The following WDR64 variants were observed in gnomAD, a reference collection of about 807,000 sequenced individuals.
The protein encoded by WDR64 is WD repeat domain 64, also known as WD repeat-containing protein 64.
A neutral mutation model predicts 139.3 loss-of-function variants in WDR64; 112 were observed. The observed-to-expected ratio is 0.80, with a 90% CI of 0.69 to 0.94. WDR64 has a LOEUF of 0.94. Ranked by LOEUF, WDR64 falls within the 40% of genes least tolerant of loss-of-function variation. The pLI, the probability that WDR64 is intolerant of heterozygous loss-of-function variation, is 0.00. For missense variants in WDR64, 1,206 were observed against 1,293.1 expected (o/e 0.93, Z 1.03); for synonymous variants, 444 against 437.7 (o/e 1.01, Z -0.18).
In WDR64 at chr1:241,696,113, C is replaced by CAAAAAAAAAAAAAAAAAAAAA. The variant is rs541301982; in HGVS notation, c.974+8526_974+8546dup. Among the ~76,000 whole-genome samples the CAAAAAAAAAAAAAAAAAAAAA allele has an allele frequency of 4.0e-4, 9 of 22,326 alleles. 2 individuals carry two copies. The highest frequency in any genetic ancestry group is 2.0e-3 in the East Asian group (1 of 504). The allele number at this position is 22,326 out of a possible 152,430, so 14.6% of individuals were successfully genotyped here. A position where few individuals can be genotyped will look rare whatever the true frequency, so the allele number is the denominator to read the frequency against. On this transcript the variant is annotated intron_variant, in intron 8 of 27. Transcript: ENST00000437684. ...TGTGGAATGGAATGAGACCCAGTAT[C>CAAAAAAAAAAAAAAAAAAAAA]AAAAAAAAAAAAAAAAAAAAAAAAA... is the stretch of plus-strand genomic sequence containing the variant.
intron 15 of WDR64, among the ~76,000 whole-genome samples, chr1:241,760,173 G>A (rs1182065967): frequency 6.6e-6 from 1 of 152,076 alleles, no homozygotes; most frequent in Admixed American, 6.6e-5. Flanking sequence ...ATGCTGCCAT[G>A]AACATGGGTG....
At chr1:241,772,177 G>A (rs1658480390) in intron 19 of WDR64, among the ~76,000 whole-genome samples, 1 of 148,608 alleles carries the variant, frequency 6.7e-6, no homozygotes, top group Non-Finnish European at 1.5e-5. Context: ...GTATGTATAA[G>A]ATTTATGAAT....
intron 9 of WDR64, among the ~76,000 whole-genome samples, chr1:241,716,828 G>C (rs1474718913): frequency 6.6e-6 from 1 of 152,140 alleles, no homozygotes; most frequent in African/African-American, 2.4e-5. Flanking sequence ...CTGTGGAGTA[G>C]GCAATAGGGA....
In WDR64 at chr1:241,757,360, T is replaced by G. The variant is rs1478033648; in HGVS notation, c.1848T>G (p.His616Gln). Reference protein sequence around the residue: ...DVVPFLQDGKHAVHLRMSTRD... With the variant: ...DVVPFLQDGKQAVHLRMSTRD... Reference sequence around the variant, plus strand: ...TGCCTTTCCTACAAGATGGGAAACATGCTGTGCATCTGAGAATGTCTACTA... The same window carrying G: ...TGCCTTTCCTACAAGATGGGAAACAGGCTGTGCATCTGAGAATGTCTACTA... The change falls in exon 15 of 28, where the codon CAT (histidine) becomes CAG (glutamine). Residue 616 changes from histidine to glutamine, a missense_variant. Transcript: ENST00000437684. The G allele has an allele frequency of 6.2e-7, 1 of 1,614,102 alleles. No individual in the cohort carries two copies. Among genetic ancestry groups the G allele is most frequent in the South Asian group, 1.1e-5 (1 of 91,072 alleles).
intron 8 of WDR64, among the ~76,000 whole-genome samples, chr1:241,696,329 T>C (rs564727824): frequency 3.1e-4 from 47 of 151,990 alleles, no homozygotes; most frequent in Admixed American, 9.2e-4. Context: ...TCTTTGTTAT[T>C]GGAAAGGGAT....
At chr1:241,668,913 T>A (rs1388522208) in intron 2 of WDR64, among the ~76,000 whole-genome samples, 18 of 146,518 alleles carry the variant, frequency 1.2e-4, no homozygotes, top group Admixed American at 1.2e-3. Flanking sequence ...AAAAAAAAAA[T>A]ACCCTTAAAG....
At chr1:241,726,944 T>A (rs1006884532) in intron 10 of WDR64, among the ~76,000 whole-genome samples, 9 of 152,132 alleles carry the variant, frequency 5.9e-5, no homozygotes, top group Admixed American at 1.3e-4. Flanking sequence ...TGGAGTGCAA[T>A]GGCACCATCT....
At chr1:241,729,229 A>G (rs986837265) in intron 10 of WDR64, among the ~76,000 whole-genome samples, 4 of 152,130 alleles carry the variant, frequency 2.6e-5, no homozygotes, top group African/African-American at 9.7e-5. Context: ...TTCTTCCCAG[A>G]GTCATGGCCT....
intron 21 of WDR64, among the ~76,000 whole-genome samples, chr1:241,779,443 C>T (rs1658770280): frequency 6.6e-6 from 1 of 152,120 alleles, no homozygotes; most frequent in African/African-American, 2.4e-5. Context: ...TATTCATTTC[C>T]ACTACCCTGA....
At chr1:241,670,395 C>G (rs1666180919) in intron 2 of WDR64, among the ~76,000 whole-genome samples, 1 of 152,052 alleles carries the variant, frequency 6.6e-6, no homozygotes, top group South Asian at 2.1e-4. Context: ...ATGGGTAAGA[C>G]AGTCATTTGA....
intron 21 of WDR64, among the ~76,000 whole-genome samples, chr1:241,776,041 A>G (rs554944445): frequency 6.6e-6 from 1 of 152,134 alleles, no homozygotes; most frequent in African/African-American, 2.4e-5. Flanking sequence ...ATTCTCTTTT[A>G]TAAACATTTT....
intron 8 of WDR64, among the ~76,000 whole-genome samples, chr1:241,695,002 G>T (rs939734381): frequency 6.6e-6 from 1 of 152,174 alleles, no homozygotes; most frequent in Non-Finnish European, 1.5e-5. Context: ...GTGGTATGTT[G>T]AAGTCAGTTC....
At chr1:241,694,088 C>A (rs1667399729) in intron 8 of WDR64, among the ~76,000 whole-genome samples, 1 of 151,154 alleles carries the variant, frequency 6.6e-6, no homozygotes, top group African/African-American at 2.5e-5. Flanking sequence ...TGCTCTTGAG[C>A]TGTTTAAATG....
intron 9 of WDR64, among the ~76,000 whole-genome samples, chr1:241,721,016 T>C (rs888582745): frequency 2.0e-5 from 3 of 152,244 alleles, no homozygotes; most frequent in Admixed American, 6.5e-5. Context: ...TGCATGTGGC[T>C]AGCCAGTTCT....
At chr1:241,788,105 T>G (rs1411570104) in intron 24 of WDR64, 71 bp downstream of exon 24, 1 of 1,358,944 alleles carries the variant, frequency 7.4e-7, no homozygotes, top group African/African-American at 1.5e-5. Flanking sequence ...GCACTGTCCT[T>G]GAGATGGAGA....
In WDR64 at chr1:241,723,216, C is replaced by T. The variant is rs562259988; in HGVS notation, c.1055-81C>T. 2.7e-5 allele frequency: 41 copies of T among 1,513,448 alleles called. No homozygotes were observed. The South Asian group carries it at 3.7e-4, about 14-fold the overall frequency. The allele number at this position is 1,513,448 out of a possible 1,614,324, so 93.8% of individuals were successfully genotyped here. On this transcript the variant is annotated intron_variant, in intron 9 of 27. Coordinates refer to ENST00000437684, the MANE Select transcript of WDR64 (RefSeq NM_001367482.1). ...GTGATTTGCTGTTCGAAGAAAGATA[C>T]GGGTATGATACAGTGAGAGATACAT...
intron 2 of WDR64, among the ~76,000 whole-genome samples, chr1:241,670,304 T>G (rs1666176586): frequency 6.6e-6 from 1 of 152,038 alleles, no homozygotes. Flanking sequence ...AAGCAACTCT[T>G]AAGTTCCCAC....
chr1:241,671,637 T>C (rs1004473098), intron 3 of WDR64, among the ~76,000 whole-genome samples: 2 of 152,210 alleles, frequency 1.3e-5, no homozygotes, highest in African/African-American at 4.8e-5. Flanking sequence ...GGGCCAGTCA[T>C]GGATGGGCAC....
chr1:241,777,166 C>G (rs1658683745), intron 21 of WDR64, among the ~76,000 whole-genome samples: 1 of 152,168 alleles, frequency 6.6e-6, no homozygotes, highest in Admixed American at 6.5e-5. Flanking sequence ...GTGCTCATAG[C>G]TCACTGTAAT....
Sources: allele counts gnomAD v4.1 joint callset (sites outside exome capture counted in the v4.1 genomes callset), GRCh38; gene constraint gnomAD v4.1.1; transcripts MANE v1.5; gene names NCBI Gene and HGNC (gene_info 2026-07-23, HGNC 2026-07-21).